Variants in PCDHGA8 observed in about 807,000 individuals in gnomAD.
PCDHGA8 encodes protocadherin gamma-A8.
PCDHGA8 carries 45 observed loss-of-function variants against 59.2 expected under a neutral mutation model. The observed-to-expected ratio is 0.76, with a 90% confidence interval of 0.60 to 0.98. The LOEUF is 0.98. Ranked by LOEUF, PCDHGA8 falls within the 50% of genes least tolerant of loss-of-function variation. The pLI is 0.00. For missense variants in PCDHGA8, 1,257 were observed against 1,196.2 expected (o/e 1.05, Z -0.75); for synonymous variants, 531 against 519.0 (o/e 1.02, Z -0.32).
intron 1 of PCDHGA8, among the ~76,000 whole-genome samples, chr5:141,436,701 A>C (rs571525375): frequency 6.9e-4 from 105 of 152,332 alleles, no homozygotes; most frequent in Non-Finnish European, 9.4e-4. Context: ...ATGCCAGCAC[A>C]CTCGATGTTC....
At chr5:141,437,345 A>T (rs1018513998) in intron 1 of PCDHGA8, among the ~76,000 whole-genome samples, 2 of 152,252 alleles carry the variant, frequency 1.3e-5, no homozygotes, top group Non-Finnish European at 2.9e-5. Context: ...TCACTGTTTT[A>T]TAGTACCTAA....
rs1380601635 is a variant in PCDHGA8 at position 141,395,115 on chromosome 5, C to T, written c.2302C>T (p.Leu768=). 6.2e-7 allele frequency: 1 copy of T among 1,614,192 alleles called. No homozygotes were observed. ...SLTADSRKSH[L]IFPQPNYADM... The stretch of plus-strand genomic sequence containing the variant: ...CACCGCCGACTCGCGGAAGAGTCAC[C>T]TGATCTTTCCCCAGCCCAACTACGC... The change falls in exon 1 of 4, where the codon CTG becomes TTG. Residue 768 remains leucine (L), a synonymous_variant. Transcript: ENST00000398604.
At chr5:141,399,644 A>C in intron 1 of PCDHGA8, 1 of 1,613,810 alleles carries the variant, frequency 6.2e-7, no homozygotes, top group Non-Finnish European at 8.5e-7. Flanking sequence ...ATGAGCGCGC[A>C]AAGTGGGGTG....
rs368153419 is a variant in PCDHGA8 at position 141,476,458 on chromosome 5, C to T, written c.2425-18349C>T. 1 of 1,614,044 alleles carries T rather than the reference C, an allele frequency of 6.2e-7. No homozygotes were observed. Among genetic ancestry groups the T allele is most frequent in the Non-Finnish European group, 8.5e-7 (1 of 1,180,014 alleles). On this transcript the variant is annotated intron_variant, in intron 1 of 3. Coordinates refer to ENST00000398604, the MANE Select transcript of PCDHGA8 (RefSeq NM_032088.2). The surrounding 1 kb of genome is among the most constrained non-coding windows in gnomAD (Gnocchi z 7.6). ...TAACTCTGGAGTTGGTAGTGGAGAA[C>T]CCGCTGGAGCTGTTCAGCGTGGAAG...
At position 141,487,610 on chromosome 5, in the gene PCDHGA8, C is replaced by A; in HGVS notation, c.2425-7197C>A. On this transcript the variant is annotated intron_variant, in intron 1 of 3. Transcript: ENST00000398604. The surrounding 1 kb of genome is among the most constrained non-coding windows in gnomAD (Gnocchi z 5.0). ...CCCACCCTCTGATCTTCTCTATGGG[C>A]TAGAGGTGAGACCTTTGCAGGCTCA... The A allele has an allele frequency of 6.2e-7, 1 of 1,614,190 alleles. No homozygotes were observed. The highest frequency in any genetic ancestry group is 1.1e-5 in the South Asian group (1 of 91,078).
chr5:141,505,270 G>C, intron 2 of PCDHGA8, 123 bp from the exon 3 acceptor site: 1 of 1,520,726 alleles, frequency 6.6e-7, no homozygotes, highest in African/African-American at 1.4e-5. Context: ...CTTGCTGAGA[G>C]AAACAGGTCT....
chr5:141,393,158 ACT>A lies in PCDHGA8; in HGVS notation c.348_349del (p.Phe117TrpfsTer8), dbSNP rs768666493. 6.2e-7 allele frequency: 1 copy of A among 1,613,126 alleles called. No homozygotes were observed. The highest frequency in any genetic ancestry group is 2.2e-5 in the East Asian group (1 of 44,866). On this transcript the variant is annotated frameshift_variant, in exon 1 of 4. Transcript: ENST00000398604. LOFTEE classifies it high-confidence loss of function. ...INTLVEDKGK[L>X]FGVEIEIIDI... is the part of the protein sequence containing the mutation. ...ACACCCTGGTTGAGGATAAAGGAAA[ACT>A]CTTTGGGGTAGAAATAGAAATAATT...
At chr5:141,448,862 G>A (rs1406203589) in intron 1 of PCDHGA8, among the ~76,000 whole-genome samples, 2 of 151,996 alleles carry the variant, frequency 1.3e-5, no homozygotes, top group African/African-American at 2.4e-5. Context: ...GGAGAATGGC[G>A]TGAACCTGGG....
intron 1 of PCDHGA8, among the ~76,000 whole-genome samples, chr5:141,453,679 T>C (rs960698192): frequency 2.0e-5 from 3 of 152,230 alleles, no homozygotes; most frequent in Non-Finnish European, 2.9e-5. Context: ...GGTAACACAC[T>C]ATGTAGGTAG....
chr5:141,423,184 C>G (rs747938944), intron 1 of PCDHGA8: 3 of 1,613,560 alleles, frequency 1.9e-6, no homozygotes, highest in Non-Finnish European at 2.5e-6. Context: ...CCACGGCCAG[C>G]CCCCTCTCTC....
At chr5:141,414,352 T>C in intron 1 of PCDHGA8, 8 of 1,613,968 alleles carry the variant, frequency 5.0e-6, no homozygotes, top group Non-Finnish European at 6.8e-6. Flanking sequence ...CATTTTGGCG[T>C]ATCTACCATT....
chr5:141,406,258 G>A (rs895877034), intron 1 of PCDHGA8, among the ~76,000 whole-genome samples: 2 of 151,882 alleles, frequency 1.3e-5, no homozygotes, highest in African/African-American at 4.8e-5. Context: ...GGTCTCAAAC[G>A]ATCTTCCTGC....
chr5:141,505,362 G>A (rs766427680), intron 2 of PCDHGA8, 31 bp from the exon 3 acceptor site: 1 of 1,613,966 alleles, frequency 6.2e-7, no homozygotes, highest in Non-Finnish European at 8.5e-7. Flanking sequence ...CGGCCTGGGA[G>A]TCTGTGCTCA....
At chr5:141,447,535 G>C (rs1366016262) in intron 1 of PCDHGA8, among the ~76,000 whole-genome samples, 1 of 152,162 alleles carries the variant, frequency 6.6e-6, no homozygotes, top group African/African-American at 2.4e-5. Flanking sequence ...AAATTGTTGG[G>C]TTTTAATGTT....
At chr5:141,421,069 AGATG>A in intron 1 of PCDHGA8, 1 of 598,532 alleles carries the variant, frequency 1.7e-6, no homozygotes, top group Non-Finnish European at 2.8e-6. Context: ...AAGCGGAATG[AGATG>A]GATACTCACA....
rs2092599321 is a variant in PCDHGA8, at chr5:141,392,806, A to C, written c.-8A>C. On this transcript the variant is annotated 5_prime_UTR_variant, in exon 1 of 4. Coordinates refer to ENST00000398604, the MANE Select transcript of PCDHGA8 (RefSeq NM_032088.2). ...AAGATTCTGAGAGGATTCTGCAGCA[A>C]AACAACAATGGCCGCTCCACAGAGT... 1 of 1,576,662 alleles carries C rather than the reference A, an allele frequency of 6.3e-7. No homozygotes were observed. Among genetic ancestry groups the C allele is most frequent in the Non-Finnish European group, 8.6e-7 (1 of 1,162,626 alleles).
At chr5:141,482,790 G>A (rs2099572686) in intron 1 of PCDHGA8, among the ~76,000 whole-genome samples, 1 of 128,870 alleles carries the variant, frequency 7.8e-6, no homozygotes, top group African/African-American at 3.5e-5. Context: ...CTGTGTGTGT[G>A]GCCGGGTACG....
rs1410460145 is a variant in PCDHGA8 at position 141,490,798 on chromosome 5, C to T, written c.2425-4009C>T. On this transcript the variant is annotated intron_variant, in intron 1 of 3. Coordinates refer to ENST00000398604, the MANE Select transcript of PCDHGA8 (RefSeq NM_032088.2). The surrounding 1 kb of genome is among the most constrained non-coding windows in gnomAD (Gnocchi z 5.4). The stretch of plus-strand genomic sequence containing the variant: ...AGAGGATGGACGGATCTTTGCCCAG[C>T]GTACCTTTGACTATGAATTGCTGCA... 9.3e-6 allele frequency: 15 copies of T among 1,613,808 alleles called. No individual in the cohort carries two copies. Among genetic ancestry groups the T allele is most frequent in the Admixed American group, 6.7e-5 (4 of 60,002 alleles).
intron 1 of PCDHGA8, chr5:141,433,110 G>T (rs1031253372): frequency 1.2e-6 from 2 of 1,614,098 alleles, no homozygotes; most frequent in East Asian, 4.5e-5. Context: ...AGCCAGGAGA[G>T]CTTTGAAAAA....
Sources: gnomAD v4.1 joint callset for allele counts (sites outside exome capture counted in the v4.1 genomes callset) on GRCh38, gnomAD v4.1.1 for gene constraint, Gnocchi (gnomAD v3.1) non-coding constraint, MANE v1.5 for transcripts, NCBI Gene and HGNC (gene_info 2026-07-23, HGNC 2026-07-21) for gene names.